The following CEP85L variants were observed in gnomAD, a reference collection of about 807,000 sequenced individuals.
CEP85L encodes centrosomal protein of 85 kDa-like.
A neutral mutation model predicts 100.3 loss-of-function variants in CEP85L; 60 were observed. That is an observed-to-expected ratio of 0.60 (90% CI 0.49 to 0.74). The LOEUF (loss-of-function observed/expected upper bound fraction) is 0.74. Among genes scored for constraint, CEP85L ranks in the 30% least tolerant of loss-of-function variants. CEP85L has a pLI of 0.00. For missense variants in CEP85L, 973 were observed against 936.2 expected (o/e 1.04, Z -0.51); for synonymous variants, 319 against 322.7 (o/e 0.99, Z 0.12).
chr6:118,480,976 G>C (rs1773735339), intron 8 of CEP85L, among the ~76,000 whole-genome samples: 1 of 151,884 alleles, frequency 6.6e-6, no homozygotes, highest in African/African-American at 2.4e-5. Context: ...TAAATCAGTA[G>C]AGTTGCATTT....
intron 1 of CEP85L, among the ~76,000 whole-genome samples, chr6:118,702,380 TATG>T (rs1310082142): frequency 1.3e-4 from 20 of 152,034 alleles, no homozygotes; most frequent in Admixed American, 1.3e-4. Flanking sequence ...GGCGTGGTGA[TATG>T]CACCTGTGGT....
At chr6:118,522,194 C>T (rs1435785777) in intron 4 of CEP85L, among the ~76,000 whole-genome samples, 1 of 152,018 alleles carries the variant, frequency 6.6e-6, no homozygotes, top group Non-Finnish European at 1.5e-5. Context: ...AACCCCGTCT[C>T]TACTAAAAAT....
chr6:118,686,375 C>G (rs1230231596), intron 1 of CEP85L, among the ~76,000 whole-genome samples: 2 of 152,170 alleles, frequency 1.3e-5, no homozygotes, highest in African/African-American at 4.8e-5. Flanking sequence ...TACACTTACT[C>G]TTTGTTCTCA....
intron 10 of CEP85L, among the ~76,000 whole-genome samples, chr6:118,473,186 C>G (rs1290596402): frequency 2.0e-5 from 3 of 152,148 alleles, no homozygotes; most frequent in African/African-American, 7.2e-5. Flanking sequence ...AGTGAACAAA[C>G]AGTCAAAACT....
Position 118,501,342 on chromosome 6 carries a change from C to T in CEP85L, c.1258-9477G>A, listed in dbSNP as rs538002260. 1.2e-3 allele frequency: 445 copies of T among 361,344 alleles called. 1 individual carries two copies. The highest frequency in any genetic ancestry group is 2.0e-3 in the Non-Finnish European group (367 of 187,588). The allele number at this position is 361,344 out of a possible 1,614,324, so 22.4% of individuals were successfully genotyped here. ...GGAGCAGGGCCTACCAAACCCCGCA[C>T]GCCAATGCAGGGGGTTAGCATGTGT... On this transcript the variant is annotated intron_variant, in intron 5 of 12. Coordinates refer to ENST00000368491, the MANE Select transcript of CEP85L (RefSeq NM_001042475.3).
At chr6:118,545,558 G>A (rs1478849392) in intron 3 of CEP85L, among the ~76,000 whole-genome samples, 1 of 152,044 alleles carries the variant, frequency 6.6e-6, no homozygotes, top group Non-Finnish European at 1.5e-5. Context: ...ATTCACTCGG[G>A]GCTGAGTAAC....
At chr6:118,493,677 C>T (rs549467037) in intron 5 of CEP85L, among the ~76,000 whole-genome samples, 1 of 151,884 alleles carries the variant, frequency 6.6e-6, no homozygotes, top group Non-Finnish European at 1.5e-5. Context: ...TAAAGATAAC[C>T]AAGGTTTAAG....
chr6:118,566,281 G>C lies in CEP85L; in HGVS notation c.268C>G (p.Pro90Ala). The part of the protein sequence containing the change: ...STSSGTLSFK[P>A]SQSLITLPTA... ...GGAAGAGTAATCAATGATTGACTAG[G>C]CTTAAAAGATAATGTGCCACTTGAA... The change falls in exon 3 of 13, where the codon CCT (proline) becomes GCT (alanine). Residue 90 changes from proline to alanine, a missense_variant. This residue lies in a region of CEP85L where 890 missense variants were observed against 844.5 expected (regional missense o/e 1.05). Transcript: ENST00000368491. 1 of 1,613,754 alleles carries C rather than the reference G, an allele frequency of 6.2e-7. No individual in the cohort carries two copies.
intron 3 of CEP85L, among the ~76,000 whole-genome samples, chr6:118,561,691 T>C (rs747130770): frequency 6.6e-6 from 1 of 152,144 alleles, no homozygotes; most frequent in Non-Finnish European, 1.5e-5. Flanking sequence ...AATCACTATA[T>C]TAAAATGAAT....
intron 1 of CEP85L, among the ~76,000 whole-genome samples, chr6:118,680,168 C>T (rs1029308364): frequency 6.6e-6 from 1 of 151,662 alleles, no homozygotes; most frequent in Admixed American, 6.6e-5. Context: ...TGGCATGAGC[C>T]TGTAGTCCCA....
rs1264709087 is a variant in CEP85L at position 118,707,262 on chromosome 6, C to T, written c.-28+2774G>A. On this transcript the variant is annotated intron_variant, in intron 1 of 13. Transcript: ENST00000368488. ...CAGACTGAGCTCATTGGAGCCTCAG[C>T]TCATTGCAGCCTCAACTTCCCAGGC... Among the ~76,000 whole-genome samples the T allele has an allele frequency of 2.0e-5, 3 of 150,446 alleles. No homozygotes were observed. The East Asian group carries it at 5.8e-4, about 29-fold the overall frequency.
At chr6:118,572,610 T>G (rs1033744541) in intron 2 of CEP85L, among the ~76,000 whole-genome samples, 3 of 151,960 alleles carry the variant, frequency 2.0e-5, no homozygotes, top group African/African-American at 4.8e-5. Flanking sequence ...TTTCAAAGTA[T>G]TCTCTATATT....
intron 2 of CEP85L, among the ~76,000 whole-genome samples, chr6:118,622,414 T>A (rs757681108): frequency 1.7e-4 from 26 of 152,232 alleles, no homozygotes; most frequent in Admixed American, 1.5e-3. Context: ...CCCAGACTTA[T>A]GCCGCCTGGG....
At chr6:118,600,513 G>A (rs1394507393) in intron 2 of CEP85L, among the ~76,000 whole-genome samples, 1 of 151,444 alleles carries the variant, frequency 6.6e-6, no homozygotes, top group African/African-American at 2.4e-5. Flanking sequence ...GTAGAGACGG[G>A]GTTTCACCAT....
Position 118,615,717 on chromosome 6 carries a change from C to T in CEP85L, c.232+16736G>A, listed in dbSNP as rs546815508. ...CAGCTTGAGGGCTGCAGACGGAGGT[C>T]ATCCATGAGGGCAGTCAACCACACC... On this transcript the variant is annotated intron_variant, in intron 2 of 12. Transcript: ENST00000368491. Among the ~76,000 whole-genome samples the T allele has an allele frequency of 5.3e-5, 8 of 152,322 alleles. No individual in the cohort carries two copies. In the South Asian group the frequency reaches 1.7e-3, roughly 32 times the overall value.
chr6:118,609,237 G>T (rs1297639284), intron 2 of CEP85L, among the ~76,000 whole-genome samples: 1 of 152,032 alleles, frequency 6.6e-6, no homozygotes, highest in East Asian at 1.9e-4. Context: ...CTCTTGAAAA[G>T]CAAGAATTAA....
In CEP85L at chr6:118,600,300, G is replaced by GTGTGTGTGTGTGTGTGTGTGTGT. The variant is rs1554228039; in HGVS notation, c.232+32152_232+32153insACACACACACACACACACACACA. ...CTGCCTGTCCCTGAGCCTTCCTGGG[G>GTGTGTGTGTGTGTGTGTGTGTGT]GTGTGTGTGTGTGTGTGTGTGTGTG... On this transcript the variant is annotated intron_variant, in intron 2 of 12. Coordinates refer to ENST00000368491, the MANE Select transcript of CEP85L (RefSeq NM_001042475.3). Among the ~76,000 whole-genome samples, 21 of 52,240 alleles carry GTGTGTGTGTGTGTGTGTGTGTGT rather than the reference G, an allele frequency of 4.0e-4. 5 individuals are homozygous for GTGTGTGTGTGTGTGTGTGTGTGT. The highest frequency in any genetic ancestry group is 8.9e-4 in the African/African-American group (13 of 14,642). The allele number at this position is 52,240 out of a possible 152,430, so 34.3% of individuals were successfully genotyped here.
At chr6:118,638,174 G>A (rs1202321375) in intron 1 of CEP85L, among the ~76,000 whole-genome samples, 2 of 150,186 alleles carry the variant, frequency 1.3e-5, no homozygotes, top group Non-Finnish European at 3.0e-5. Flanking sequence ...CCAGGAGTTC[G>A]AGACCAGCCT....
chr6:118,603,852 C>T lies in CEP85L; in HGVS notation c.232+28601G>A, dbSNP rs72954900. Among the ~76,000 whole-genome samples, 504 of 152,266 alleles carry T rather than the reference C, an allele frequency of 3.3e-3. 1 individual carries two copies. Among genetic ancestry groups the T allele is most frequent in the Non-Finnish European group, 3.1e-3 (208 of 68,024 alleles). ...ATTATAAATCGCCTTCTAAAGAGGA[C>T]TAAAACAAGACAACAATTGTCTGTG... On this transcript the variant is annotated intron_variant, in intron 2 of 12. Coordinates refer to ENST00000368491, the MANE Select transcript of CEP85L (RefSeq NM_001042475.3).
Sources: allele counts gnomAD v4.1 joint callset (sites outside exome capture counted in the v4.1 genomes callset), GRCh38; gene constraint gnomAD v4.1.1; regional missense constraint gnomAD v4.1.1; transcripts MANE v1.5; gene names NCBI Gene and HGNC (gene_info 2026-07-23, HGNC 2026-07-21).